Variants in UBAP2 observed in about 807,000 individuals in gnomAD.
UBAP2 encodes the protein ubiquitin associated protein 2, also known as ubiquitin-associated protein 2.
Under a neutral mutation model 139.6 loss-of-function variants are expected in UBAP2, and 75 were observed. The ratio of observed to expected loss-of-function variants is 0.54; its 90% CI spans 0.45 to 0.65. The LOEUF (loss-of-function observed/expected upper bound fraction) is 0.65. Among genes scored for constraint, UBAP2 ranks in the 30% least tolerant of loss-of-function variants. The pLI, the probability that UBAP2 is intolerant of heterozygous loss-of-function variation, is 0.00. For missense variants in UBAP2, 1,368 were observed against 1,369.6 expected (o/e 1.00, Z 0.02); for synonymous variants, 526 against 526.2 (o/e 1.00, Z 0.01).
chr9:33,927,069 G>C lies in UBAP2; in HGVS notation c.2383C>G (p.Pro795Ala). Residue 795 changes from proline (P) to alanine (A), a missense_variant, in exon 21 of 29, where the codon CCA becomes GCA. Coordinates refer to ENST00000379238, the MANE Select transcript of UBAP2 (RefSeq NM_001370062.2). ...GGAGGCACCCCCTGAGGTAAGTTTG[G>C]GGGTGCTTTGCCTGTATAGAGGGAA... is the stretch of plus-strand genomic sequence containing the variant. ...APLVTSGKAP[P>A]NLPQGVPPLL... 1.2e-6 allele frequency: 2 copies of C among 1,612,490 alleles called. No individual in the cohort carries two copies. The highest frequency in any genetic ancestry group is 2.2e-5 in the East Asian group (1 of 44,878).
intron 18 of UBAP2, among the ~76,000 whole-genome samples, chr9:33,933,263 G>C (rs554977453): frequency 1.3e-5 from 2 of 152,152 alleles, no homozygotes; most frequent in South Asian, 2.1e-4. Context: ...ACTCCCAGGG[G>C]ACCCAGTGCT....
intron 1 of UBAP2, among the ~76,000 whole-genome samples, chr9:34,019,398 C>T (rs575777120): frequency 1.3e-5 from 2 of 151,756 alleles, no homozygotes; most frequent in African/African-American, 4.8e-5. Flanking sequence ...GCAAAACTCT[C>T]GGGGCAAGGG....
intron 1 of UBAP2, among the ~76,000 whole-genome samples, chr9:34,019,875 T>C (rs564753677): frequency 3.2e-4 from 48 of 151,806 alleles, no homozygotes; most frequent in African/African-American, 1.0e-3. Context: ...CAAAAACAAA[T>C]GTGCAGCCGG....
intron 1 of UBAP2, among the ~76,000 whole-genome samples, chr9:34,045,096 C>A (rs1827454602): frequency 6.6e-6 from 1 of 151,988 alleles, no homozygotes. Context: ...CCCTGTAATC[C>A]CAGCACTTTG....
chr9:33,927,952 G>A lies in UBAP2; in HGVS notation c.2216C>T (p.Ala739Val). The A allele has an allele frequency of 6.2e-7, 1 of 1,614,094 alleles. No homozygotes were observed. Among genetic ancestry groups the A allele is most frequent in the Non-Finnish European group, 8.5e-7 (1 of 1,179,968 alleles). Residue 739 changes from alanine (A) to valine (V), a missense_variant, in exon 20 of 29, where the codon GCC becomes GTC. By Grantham distance (64) the Ala-to-Val change is moderately conservative (BLOSUM62 0). Transcript: ENST00000379238. ...VESASSHQSSATFSTAATSVS... is the reference protein window; with the variant it reads ...VESASSHQSSVTFSTAATSVS... ...GGAGGTCGCTGCCGTGGAGAAGGTG[G>A]CTGAGGACTGGTGGGAAGAGGCGCT... is the stretch of plus-strand genomic sequence containing the variant.
intron 1 of UBAP2, among the ~76,000 whole-genome samples, chr9:34,039,148 G>T (rs1448732543): frequency 1.3e-5 from 2 of 151,832 alleles, no homozygotes; most frequent in Non-Finnish European, 2.9e-5. Context: ...GGGAGGTGGG[G>T]GGCAGCCTCC....
intron 9 of UBAP2, among the ~76,000 whole-genome samples, 173 bp downstream of exon 9, chr9:33,963,553 C>A (rs376978171): frequency 6.6e-6 from 1 of 151,992 alleles, no homozygotes; most frequent in African/African-American, 2.4e-5. Flanking sequence ...GAAAGTCAAT[C>A]AATAAAACAT....
intron 2 of UBAP2, among the ~76,000 whole-genome samples, chr9:33,999,779 T>C (rs934157693): frequency 1.1e-4 from 16 of 145,424 alleles, no homozygotes; most frequent in African/African-American, 3.7e-4. Context: ...TGCCGTGATC[T>C]TGACTGTGCA....
At position 34,016,370 on chromosome 9, in the gene UBAP2, C is replaced by CGGTGGTGGTGGTGGTGGTGGTGGT. The variant is rs74180522; in HGVS notation, c.99+656_99+679dup. On this transcript the variant is annotated intron_variant, in intron 2 of 28. Transcript: ENST00000379238. Reference sequence around the variant, plus strand: ...GAGGAGGCAGCAGCGGCGGCAGCGGCGGTGGTGGTGGTGGTGGTGGTGGTG... The same window carrying CGGTGGTGGTGGTGGTGGTGGTGGT: ...GAGGAGGCAGCAGCGGCGGCAGCGGCGGTGGTGGTGGTGGTGGTGGTGGTGGTGGTGGTGGTGGTGGTGGTGGTG... Among the ~76,000 whole-genome samples, 225 of 93,702 alleles carry CGGTGGTGGTGGTGGTGGTGGTGGT rather than the reference C, an allele frequency of 2.4e-3. 1 individual carries two copies. Among genetic ancestry groups the CGGTGGTGGTGGTGGTGGTGGTGGT allele is most frequent in the South Asian group, 9.1e-3 (21 of 2,298 alleles). The allele number at this position is 93,702 out of a possible 152,430, so 61.5% of individuals were successfully genotyped here.
At chr9:33,925,861 C>T (rs1823382551) in intron 22 of UBAP2, among the ~76,000 whole-genome samples, 1 of 152,210 alleles carries the variant, frequency 6.6e-6, no homozygotes, top group Admixed American at 6.5e-5. Context: ...CTGCCTGCAA[C>T]TCTCTGACAA....
At position 33,922,684 on chromosome 9, in the gene UBAP2, C is replaced by A; in HGVS notation, c.3264+3G>T. On this transcript the variant is annotated splice_donor_region_variant and intron_variant, in intron 28 of 28. Transcript: ENST00000379238. ...GGGTGGCTGCCTCCATCACTGTACT[C>A]ACCTGTGCATCCTGCGGAAGGTGGT... 6.4e-7 allele frequency: 1 copy of A among 1,561,146 alleles called. No individual in the cohort carries two copies. The highest frequency in any genetic ancestry group is 1.2e-5 in the South Asian group (1 of 81,440).
intron 13 of UBAP2, among the ~76,000 whole-genome samples, chr9:33,946,838 C>T (rs1347342347): frequency 6.6e-6 from 1 of 152,140 alleles, no homozygotes; most frequent in Non-Finnish European, 1.5e-5. Context: ...TCTAAAAAGT[C>T]CTATCACTCA....
chr9:34,018,046 G>A (rs1020232102), intron 1 of UBAP2, among the ~76,000 whole-genome samples: 23 of 152,016 alleles, frequency 1.5e-4, no homozygotes, highest in African/African-American at 4.8e-4. Context: ...TTCTAAGCTG[G>A]GCACGGTGGC....
chr9:33,957,769 T>G (rs1826689490), intron 10 of UBAP2, among the ~76,000 whole-genome samples: 1 of 152,140 alleles, frequency 6.6e-6, no homozygotes, highest in Non-Finnish European at 1.5e-5. Context: ...ACTCTAAATG[T>G]CTCAGAAACA....
At chr9:34,027,372 T>C (rs1240541168) in intron 1 of UBAP2, among the ~76,000 whole-genome samples, 2 of 151,228 alleles carry the variant, frequency 1.3e-5, no homozygotes, top group Admixed American at 1.3e-4. Context: ...TCCCAGCAAA[T>C]CGGGAGGCTG....
chr9:33,944,434 A>G lies in UBAP2; in HGVS notation c.1476T>C (p.Ser492=). ...QLPSTTIENI[S]VSVHQPQPKH... ...TGGGCTGTGGCTGGTGGACAGACACAGAGATATTTTCAATGGTCGTGCTGG... is the reference window on the plus strand; with the variant it reads ...TGGGCTGTGGCTGGTGGACAGACACGGAGATATTTTCAATGGTCGTGCTGG... The change falls in exon 14 of 29, where the codon TCT becomes TCC. Residue 492 remains serine (S), a synonymous_variant. Coordinates refer to ENST00000379238, the MANE Select transcript of UBAP2 (RefSeq NM_001370062.2). 1.2e-6 allele frequency: 2 copies of G among 1,614,180 alleles called. No homozygotes were observed. Among genetic ancestry groups the G allele is most frequent in the South Asian group, 2.2e-5 (2 of 91,084 alleles).
chr9:33,988,397 G>A (rs1336970957), intron 5 of UBAP2, among the ~76,000 whole-genome samples: 2 of 152,158 alleles, frequency 1.3e-5, no homozygotes, highest in Non-Finnish European at 2.9e-5. Context: ...TGCCAGAGCA[G>A]ACAAGGTTGT....
At chr9:33,955,681 C>T (rs556139893) in intron 11 of UBAP2, among the ~76,000 whole-genome samples, 1 of 151,866 alleles carries the variant, frequency 6.6e-6, no homozygotes, top group African/African-American at 2.4e-5. Context: ...ACAAAATTAG[C>T]TGGGCGTGGG....
intron 24 of UBAP2, 110 bp from the exon 25 acceptor site, chr9:33,923,588 GACCTGTGTTTTCATTAGTGCA>G (rs1823134865): frequency 8.5e-7 from 1 of 1,170,306 alleles, no homozygotes; most frequent in Non-Finnish European, 1.3e-6. Flanking sequence ...AACCACAGGG[GACCTGTGTTTTCATTAGTGCA>G]ACACATGCTG....
Sources: gnomAD v4.1 joint callset for allele counts (sites outside exome capture counted in the v4.1 genomes callset) on GRCh38, gnomAD v4.1.1 for gene constraint, MANE v1.5 for transcripts, NCBI Gene and HGNC (gene_info 2026-07-23, HGNC 2026-07-21) for gene names.